The following CUBN variants were observed in gnomAD, a reference collection of about 807,000 sequenced individuals.
The protein encoded by CUBN is cubilin, also known as 460 kDa receptor.
Under a neutral mutation model 405.3 loss-of-function variants are expected in CUBN, and 282 were observed. The observed-to-expected ratio is 0.70, with a 90% CI of 0.63 to 0.77. The LOEUF (loss-of-function observed/expected upper bound fraction) is 0.77, where lower values mean the gene tolerates loss of function less well. Among genes scored for constraint, CUBN ranks in the 30% least tolerant of loss-of-function variants. CUBN has a pLI of 0.00. For synonymous variants in CUBN, 1,684 were observed against 1,617.0 expected (o/e 1.04, Z -0.99); for missense variants, 4,514 against 4,475.2 (o/e 1.01, Z -0.25).
intron 10 of CUBN, among the ~76,000 whole-genome samples, chr10:17,107,539 C>T (rs1836664181): frequency 6.9e-6 from 1 of 145,570 alleles, no homozygotes; most frequent in Admixed American, 7.1e-5. Flanking sequence ...GCTCTGTCGC[C>T]CAGGCTGGAG....
intron 39 of CUBN, among the ~76,000 whole-genome samples, chr10:16,937,348 T>C (rs1842538072): frequency 6.6e-6 from 1 of 152,170 alleles, no homozygotes; most frequent in Non-Finnish European, 1.5e-5. Flanking sequence ...AAGTAGACGA[T>C]CTTATGGATA....
At chr10:16,995,113 C>T (rs1012789822) in intron 28 of CUBN, among the ~76,000 whole-genome samples, 1 of 152,086 alleles carries the variant, frequency 6.6e-6, no homozygotes, top group Admixed American at 6.6e-5. Flanking sequence ...GATGAAAATA[C>T]CAACCAAGAA....
chr10:16,986,467 T>G (rs999003394), intron 29 of CUBN, among the ~76,000 whole-genome samples: 1 of 151,866 alleles, frequency 6.6e-6, no homozygotes, highest in Non-Finnish European at 1.5e-5. Context: ...TCTGATTAAT[T>G]CCCCCCAGCC....
In CUBN at chr10:17,074,521, G is replaced by A. The variant is rs116117426; in HGVS notation, c.2302-2550C>T. 7.9e-3 allele frequency among the ~76,000 whole-genome samples: 1,209 copies of A among 152,234 alleles called. 14 individuals are homozygous for A. Among genetic ancestry groups the A allele is most frequent in the African/African-American group, 0.026 (1,081 of 41,534 alleles). ...TCTCGCTCTATTTTACATATTAAGC[G>A]CAAAGTAGTTTTGTGCAATTTTAAT... On this transcript the variant is annotated intron_variant, in intron 17 of 66. Coordinates refer to ENST00000377833, the MANE Select transcript of CUBN (RefSeq NM_001081.4).
chr10:17,049,222 T>C (rs11254341), intron 22 of CUBN, among the ~76,000 whole-genome samples: 21,516 of 152,102 alleles, frequency 0.14, 3,095 homozygotes, highest in African/African-American at 0.37. Context: ...TCAGACCCAG[T>C]AATGAAACTT....
chr10:17,028,274 A>T (rs1168626443), intron 27 of CUBN, among the ~76,000 whole-genome samples: 1 of 150,770 alleles, frequency 6.6e-6, no homozygotes. Context: ...GCCTCTTAAA[A>T]TTCTCACCAC....
At chr10:16,906,182 G>A (rs760336584) in intron 50 of CUBN, 21 bp downstream of exon 50, 71 of 1,521,046 alleles carry the variant, frequency 4.7e-5, no homozygotes, top group Middle Eastern at 1.7e-4. Context: ...ATGGGAAAAC[G>A]CATTCTTAGA....
chr10:16,852,018 C>T (rs111163940), intron 59 of CUBN, among the ~76,000 whole-genome samples: 10,894 of 86,542 alleles, frequency 0.13, 1,496 homozygotes, highest in East Asian at 0.51. Flanking sequence ...GCCTCCCTCA[C>T]TCTATCTTTC....
chr10:16,837,659 G>A lies in CUBN; in HGVS notation c.10033-1277C>T, dbSNP rs1379286426. 4.6e-5 allele frequency among the ~76,000 whole-genome samples: 7 copies of A among 151,724 alleles called. No homozygotes were observed. In the South Asian group the frequency reaches 6.3e-4, roughly 14 times the overall value. ...GCCAGCTAACCACTGAACATCCTCC[G>A]TAACCACCCTACACATCATTCCTTC... On this transcript the variant is annotated intron_variant, in intron 62 of 66. Coordinates refer to ENST00000377833, the MANE Select transcript of CUBN (RefSeq NM_001081.4).
intron 30 of CUBN, 135 bp downstream of exon 30, chr10:16,983,970 C>T: frequency 1.1e-6 from 1 of 914,190 alleles, no homozygotes; most frequent in Non-Finnish European, 1.8e-6. Context: ...GGGTATATGT[C>T]AGGTCTCAGT....
At chr10:17,056,558 G>A (rs1337558387) in intron 22 of CUBN, among the ~76,000 whole-genome samples, 6 of 151,716 alleles carry the variant, frequency 4.0e-5, no homozygotes, top group African/African-American at 7.3e-5. Flanking sequence ...GCAGTGAGCC[G>A]AGATCGCACC....
chr10:17,088,463 G>T, intron 14 of CUBN, 118 bp from the exon 15 acceptor site: 1 of 743,940 alleles, frequency 1.3e-6, no homozygotes, highest in East Asian at 2.7e-5. Context: ...AGCAGTTTTA[G>T]ACACCCTCAT....
At chr10:16,842,707 C>T (rs1420740949) in intron 60 of CUBN, among the ~76,000 whole-genome samples, 1 of 152,232 alleles carries the variant, frequency 6.6e-6, no homozygotes, top group Non-Finnish European at 1.5e-5. Flanking sequence ...TGAGGTGATG[C>T]TCCTGCTCTG....
chr10:16,910,989 T>A (rs1841715375), intron 48 of CUBN, among the ~76,000 whole-genome samples: 1 of 151,992 alleles, frequency 6.6e-6, no homozygotes, highest in Non-Finnish European at 1.5e-5. Context: ...AGGAGAAGAA[T>A]GAAGGAACTT....
Position 17,052,050 on chromosome 10 carries a change from G to T in CUBN, c.3140-4447C>A, listed in dbSNP as rs183372226. 9.8e-4 allele frequency among the ~76,000 whole-genome samples: 118 copies of T among 120,120 alleles called. 1 individual carries two copies. In the East Asian group the frequency reaches 0.033, roughly 33 times the overall value. 78.8% of individuals were successfully genotyped at this position (120,120 alleles called of 152,430 possible). On this transcript the variant is annotated intron_variant, in intron 22 of 66. Coordinates refer to ENST00000377833, the MANE Select transcript of CUBN (RefSeq NM_001081.4). ...GGAAAACACAGAAGCCAGTTGGGGC[G>T]GGGGGGAAGCCACATCACATACAGG...
At chr10:16,890,261 C>CAG in intron 55 of CUBN, 110 bp downstream of exon 55, 1 of 1,002,758 alleles carries the variant, frequency 1.0e-6, no homozygotes, top group Non-Finnish European at 1.6e-6. Context: ...TCATCCTCCC[C>CAG]GTAGACCCCC....
intron 27 of CUBN, among the ~76,000 whole-genome samples, chr10:17,026,113 T>C (rs17431426): frequency 0.14 from 21,933 of 152,080 alleles, 1,635 homozygotes; most frequent in South Asian, 0.2. Flanking sequence ...TCCAGAAGGA[T>C]GGGACCTAGG....
chr10:16,854,249 G>A (rs148187341), intron 59 of CUBN, among the ~76,000 whole-genome samples: 2 of 152,288 alleles, frequency 1.3e-5, no homozygotes, highest in East Asian at 1.9e-4. Flanking sequence ...TTATATGCAT[G>A]GGCAAGCATA....
intron 6 of CUBN, among the ~76,000 whole-genome samples, chr10:17,116,048 G>A (rs538446527): frequency 2.2e-4 from 34 of 152,200 alleles, no homozygotes; most frequent in Non-Finnish European, 1.2e-4. Context: ...AACCCCACAC[G>A]CAATCCAGTG....
Sources: gnomAD v4.1 joint callset for allele counts (sites outside exome capture counted in the v4.1 genomes callset) on GRCh38, gnomAD v4.1.1 for gene constraint, MANE v1.5 for transcripts, NCBI Gene and HGNC (gene_info 2026-07-23, HGNC 2026-07-21) for gene names.